The following SAMMSON variants were observed in gnomAD, a reference collection of about 807,000 sequenced individuals.
The protein encoded by SAMMSON is long intergenic non-protein coding RNA 1212.
intron 7 of SAMMSON, among the ~76,000 whole-genome samples, chr3:70,303,260 G>A (rs1165982975): frequency 1.3e-5 from 2 of 152,092 alleles, no homozygotes; most frequent in Non-Finnish European, 2.9e-5. Flanking sequence ...AATTCCCTCT[G>A]AAGAAGCATC....
intron 3 of SAMMSON, among the ~76,000 whole-genome samples, chr3:70,028,112 CCCTT>C (rs1271169811): frequency 2.9e-5 from 4 of 138,092 alleles, no homozygotes; most frequent in Non-Finnish European, 6.4e-5. Context: ...TTCCTTCCTT[CCCTT>C]CCTTCCTTCC....
intron 4 of SAMMSON, among the ~76,000 whole-genome samples, chr3:70,175,456 G>A (rs1701002306): frequency 6.6e-6 from 1 of 152,042 alleles, no homozygotes; most frequent in African/African-American, 2.4e-5. Context: ...AACTGTATGA[G>A]AGACAGGAAG....
intron 4 of SAMMSON, among the ~76,000 whole-genome samples, chr3:70,102,876 C>T (rs997426616): frequency 6.6e-6 from 1 of 152,142 alleles, no homozygotes; most frequent in East Asian, 1.9e-4. Flanking sequence ...AGCCTTATTC[C>T]CCTTTCCCTC....
At chr3:70,071,917 C>T (rs956176399) in intron 4 of SAMMSON, 2 of 150,802 alleles carry the variant, frequency 1.3e-5, no homozygotes, top group East Asian at 3.9e-4. Flanking sequence ...AATGTTGTGG[C>T]TTTTTTTTTC....
At chr3:70,202,497 C>G (rs1701249508) in intron 4 of SAMMSON, among the ~76,000 whole-genome samples, 1 of 152,150 alleles carries the variant, frequency 6.6e-6, no homozygotes, top group Admixed American at 6.5e-5. Context: ...AAACCTTTGT[C>G]ACAAGTTCTT....
chr3:70,377,740 A>C lies in SAMMSON; in HGVS notation n.914-11834A>C, dbSNP rs1575636913. ...GTTACAACACATATGGCAGAAAAAGAATACTAGCTATAATATTAAAAAATA... is the reference window on the plus strand; with the variant it reads ...GTTACAACACATATGGCAGAAAAAGCATACTAGCTATAATATTAAAAAATA... On this transcript the variant is annotated intron_variant and non_coding_transcript_variant, in intron 9 of 9. Transcript: ENST00000642114. Among the ~76,000 whole-genome samples the C allele has an allele frequency of 2.0e-5, 3 of 152,192 alleles. No individual in the cohort carries two copies. In the South Asian group the frequency reaches 6.2e-4, roughly 32 times the overall value.
At chr3:70,390,227 T>C (rs1478023578), downstream of SAMMSON, among the ~76,000 whole-genome samples, 1 of 152,066 alleles carries the variant, frequency 6.6e-6, no homozygotes, top group African/African-American at 2.4e-5. Context: ...TACAGAGGAG[T>C]TGGCCTGGTA....
chr3:70,259,999 G>A (rs145251525), intron 6 of SAMMSON, among the ~76,000 whole-genome samples: 7 of 152,212 alleles, frequency 4.6e-5, no homozygotes, highest in African/African-American at 1.4e-4. Flanking sequence ...CGAGAACAGC[G>A]TGATCCAATT....
At chr3:70,026,264 T>C (rs1288606107) in intron 3 of SAMMSON, among the ~76,000 whole-genome samples, 1 of 152,202 alleles carries the variant, frequency 6.6e-6, no homozygotes, top group Admixed American at 6.5e-5. Flanking sequence ...ATTTCTGATT[T>C]CAGGAACTAG....
intron 3 of SAMMSON, among the ~76,000 whole-genome samples, chr3:70,051,307 A>G (rs2067145065): frequency 6.6e-6 from 1 of 151,246 alleles, no homozygotes; most frequent in East Asian, 2.0e-4. Context: ...ATTTCTACCA[A>G]TTAAACAACA....
At chr3:70,293,298 T>C (rs1399144779) in intron 7 of SAMMSON, among the ~76,000 whole-genome samples, 1 of 152,086 alleles carries the variant, frequency 6.6e-6, no homozygotes, top group South Asian at 2.1e-4. Flanking sequence ...CATACAATTA[T>C]CAAAATATGT....
Position 70,299,576 on chromosome 3 carries a change from T to C in SAMMSON, n.739+8333T>C, listed in dbSNP as rs536467917. On this transcript the variant is annotated intron_variant and non_coding_transcript_variant, in intron 7 of 9. Transcript: ENST00000642114. ...ATATCCAGTCCATGGCCAAGGCTCG[T>C]TGGAGTCAGCGTTCTCTTGGGTGCC... Among the ~76,000 whole-genome samples the C allele has an allele frequency of 1.0e-3, 152 of 152,262 alleles. 1 individual carries two copies. The highest frequency in any genetic ancestry group is 3.0e-3 in the African/African-American group (124 of 41,568).
At chr3:70,214,955 T>C (rs1002754199) in intron 4 of SAMMSON, among the ~76,000 whole-genome samples, 3 of 152,084 alleles carry the variant, frequency 2.0e-5, no homozygotes, top group African/African-American at 7.2e-5. Flanking sequence ...TCTGAAAAAA[T>C]AAATGAAGCC....
chr3:70,079,790 C>T (rs1040393098), intron 4 of SAMMSON, among the ~76,000 whole-genome samples: 1 of 152,150 alleles, frequency 6.6e-6, no homozygotes, highest in African/African-American at 2.4e-5. Context: ...GTACTAGATT[C>T]TTCTTTTTCC....
At chr3:70,022,230 G>T (rs1373335161) in intron 3 of SAMMSON, among the ~76,000 whole-genome samples, 1 of 138,788 alleles carries the variant, frequency 7.2e-6, no homozygotes, top group Admixed American at 8.2e-5. Flanking sequence ...ATTCCAACTG[G>T]CCCCCCAAAT....
At chr3:70,248,557 A>T (rs1316319245) in intron 4 of SAMMSON, among the ~76,000 whole-genome samples, 1 of 152,112 alleles carries the variant, frequency 6.6e-6, no homozygotes, top group Non-Finnish European at 1.5e-5. Context: ...GAAAATACAT[A>T]GTCAAATTTA....
chr3:70,182,243 G>A (rs1354034773), intron 4 of SAMMSON, among the ~76,000 whole-genome samples: 1 of 152,086 alleles, frequency 6.6e-6, no homozygotes, highest in African/African-American at 2.4e-5. Flanking sequence ...AAAGGGGTGG[G>A]GGAGCTGAAA....
chr3:70,231,282 A>G (rs1205735720), intron 4 of SAMMSON, among the ~76,000 whole-genome samples: 2 of 152,130 alleles, frequency 1.3e-5, no homozygotes, highest in Non-Finnish European at 2.9e-5. Flanking sequence ...ACGTTCGCTT[A>G]AGACGACGCT....
chr3:70,166,592 G>A (rs999655066), intron 4 of SAMMSON, among the ~76,000 whole-genome samples: 1 of 151,968 alleles, frequency 6.6e-6, no homozygotes, highest in African/African-American at 2.4e-5. Flanking sequence ...GGCTGCCCAA[G>A]AGTGTCTGGC....
Sources: allele counts gnomAD v4.1 joint callset (sites outside exome capture counted in the v4.1 genomes callset), GRCh38; gene constraint gnomAD v4.1.1; transcripts MANE v1.5; gene names NCBI Gene and HGNC (gene_info 2026-07-23, HGNC 2026-07-21).